LINGO2: variants seen among roughly 807,000 people sequenced by gnomAD.
LINGO2 encodes the protein leucine-rich repeat and immunoglobulin-like domain-containing nogo receptor-interacting protein 2.
LINGO2 carries 14 observed loss-of-function variants against 30.6 expected under a neutral mutation model. That is an observed-to-expected ratio of 0.46 (90% CI 0.30 to 0.72). The LOEUF (loss-of-function observed/expected upper bound fraction) is 0.72, where lower values mean the gene tolerates loss of function less well. Among genes scored for constraint, LINGO2 ranks in the 30% least tolerant of loss-of-function variants. The probability of loss-of-function intolerance (pLI) is 0.07; values close to 1 mark genes in which losing one functional copy is unlikely to be tolerated. For synonymous variants in LINGO2, 317 were observed against 288.5 expected (o/e 1.10, Z -1.00); for missense variants, 729 against 751.7 (o/e 0.97, Z 0.35).
At chr9:28,963,239 C>A in the LINGO2 span, among the ~76,000 whole-genome samples, 1 of 151,876 alleles carries the variant, frequency 6.6e-6, no homozygotes, top group Admixed American at 6.6e-5. Context: ...TTATATATCA[C>A]TATAAGTATT....
chr9:28,258,435 T>A, intron 4 of LINGO2, among the ~76,000 whole-genome samples: 1 of 152,026 alleles, frequency 6.6e-6, no homozygotes, highest in East Asian at 1.9e-4. Context: ...ATGCACTTAA[T>A]TGTCAATATA....
chr9:29,004,240 T>A, the LINGO2 span, among the ~76,000 whole-genome samples: 1 of 152,058 alleles, frequency 6.6e-6, no homozygotes, highest in Non-Finnish European at 1.5e-5. Context: ...TCTCTTTTTA[T>A]AATTCTTTAT....
At chr9:28,485,794 G>T (rs1826144733) in intron 1 of LINGO2, among the ~76,000 whole-genome samples, 1 of 152,044 alleles carries the variant, frequency 6.6e-6, no homozygotes, top group South Asian at 2.1e-4. Flanking sequence ...ACACTCCCAT[G>T]GGGCCTGTGC....
intron 4 of LINGO2, among the ~76,000 whole-genome samples, chr9:28,172,179 CA>C (rs1828619197): frequency 6.6e-6 from 1 of 151,128 alleles, no homozygotes; most frequent in Non-Finnish European, 1.5e-5. Context: ...ATCACGAGGT[CA>C]GGAGATCGAG....
At chr9:29,181,506 A>G in the LINGO2 span, among the ~76,000 whole-genome samples, 2 of 152,216 alleles carry the variant, frequency 1.3e-5, no homozygotes, top group East Asian at 3.8e-4. Context: ...AAAAGTATAA[A>G]TATCAGTCAG....
At chr9:28,703,438 T>G in the LINGO2 span, among the ~76,000 whole-genome samples, 6 of 151,930 alleles carry the variant, frequency 3.9e-5, no homozygotes, top group Non-Finnish European at 8.8e-5. Context: ...TCCCTTTATG[T>G]ATTTCTAACT....
At chr9:28,963,506 A>G in the LINGO2 span, among the ~76,000 whole-genome samples, 30 of 151,076 alleles carry the variant, frequency 2.0e-4, no homozygotes, top group South Asian at 4.2e-4. Flanking sequence ...ACCTAAGTAT[A>G]TATCAATGGA....
chr9:28,510,761 T>C (rs1818879286), intron 1 of LINGO2, among the ~76,000 whole-genome samples: 1 of 152,074 alleles, frequency 6.6e-6, no homozygotes, highest in African/African-American at 2.4e-5. Flanking sequence ...GGACCTTGAC[T>C]ATATATTTAA....
Position 28,363,992 on chromosome 9 carries a change from G to A in LINGO2, c.-246+8844C>T, listed in dbSNP as rs544612223. ...ATTAGGTTACAAAAAAAAAAAAAAA[G>A]ATGATGTATTTTCTGTATTCGCTTT... On this transcript the variant is annotated intron_variant, in intron 3 of 5. Transcript: ENST00000379992. Among the ~76,000 whole-genome samples, 31 of 147,696 alleles carry A rather than the reference G, an allele frequency of 2.1e-4. No individual in the cohort carries two copies. In the East Asian group the frequency reaches 5.3e-3, roughly 25 times the overall value.
the LINGO2 span, among the ~76,000 whole-genome samples, chr9:28,715,986 G>A: frequency 1.3e-5 from 2 of 151,842 alleles, no homozygotes; most frequent in African/African-American, 4.8e-5. Context: ...AAAAATAATA[G>A]TGACAATAAA....
the LINGO2 span, among the ~76,000 whole-genome samples, chr9:28,904,940 G>C: frequency 6.6e-6 from 1 of 152,038 alleles, no homozygotes; most frequent in African/African-American, 2.4e-5. Context: ...ACTGACCAAG[G>C]AAACACAACA....
the LINGO2 span, among the ~76,000 whole-genome samples, chr9:28,717,945 T>C: frequency 5.3e-5 from 8 of 152,032 alleles, 1 homozygote; most frequent in South Asian, 1.2e-3. Context: ...TTACTGAATA[T>C]CCAGATTTGA....
chr9:28,270,321 G>C (rs960434577), intron 4 of LINGO2, among the ~76,000 whole-genome samples: 1 of 151,998 alleles, frequency 6.6e-6, no homozygotes, highest in Admixed American at 6.6e-5. Context: ...TAGCCCATGA[G>C]TCATGGCTCT....
At chr9:29,041,789 C>A in the LINGO2 span, among the ~76,000 whole-genome samples, 1 of 151,918 alleles carries the variant, frequency 6.6e-6, no homozygotes, top group South Asian at 2.1e-4. Flanking sequence ...TAAATGAAAA[C>A]ATTGATAAGT....
chr9:29,054,580 C>T, the LINGO2 span, among the ~76,000 whole-genome samples: 1 of 152,094 alleles, frequency 6.6e-6, no homozygotes, highest in East Asian at 1.9e-4. Flanking sequence ...GCCTCAACTA[C>T]TAATGTAAGC....
rs75020733 is a variant in LINGO2, at chr9:28,296,884, T to C, written c.-245-1518A>G. 5.5e-3 allele frequency among the ~76,000 whole-genome samples: 839 copies of C among 152,326 alleles called. 8 individuals are homozygous for C. The highest frequency in any genetic ancestry group is 0.019 in the African/African-American group (774 of 41,570). On this transcript the variant is annotated intron_variant, in intron 3 of 5. Coordinates refer to ENST00000379992, the Ensembl canonical transcript of LINGO2. ...CCTCAGTCAACTTCTAGATGCAAAC[T>C]GTTTTTATTCATGCCAACATTTTTT...
the LINGO2 span, among the ~76,000 whole-genome samples, chr9:28,763,037 T>C: frequency 1.3e-5 from 2 of 152,238 alleles, no homozygotes; most frequent in Middle Eastern, 6.8e-3. Context: ...GTTTATTTTG[T>C]TCTGTGAAAA....
the LINGO2 span, among the ~76,000 whole-genome samples, chr9:29,045,152 T>C: frequency 6.6e-6 from 1 of 152,122 alleles, no homozygotes; most frequent in Non-Finnish European, 1.5e-5. Context: ...AGATGATTCA[T>C]GATTCACATT....
At chr9:28,727,113 CAT>C in the LINGO2 span, among the ~76,000 whole-genome samples, 3 of 152,098 alleles carry the variant, frequency 2.0e-5, no homozygotes, top group Non-Finnish European at 4.4e-5. Flanking sequence ...CACACACTAA[CAT>C]AGATATAAAA....
Sources: gnomAD v4.1 joint callset for allele counts (sites outside exome capture counted in the v4.1 genomes callset) on GRCh38, gnomAD v4.1.1 for gene constraint, MANE v1.5 for transcripts, NCBI Gene and HGNC (gene_info 2026-07-23, HGNC 2026-07-21) for gene names.